The following DDX47 variants were observed in gnomAD, a reference collection of about 807,000 sequenced individuals.
DDX47 encodes the protein probable ATP-dependent RNA helicase DDX47.
A neutral mutation model predicts 58.8 loss-of-function variants in DDX47; 60 were observed. The ratio of observed to expected loss-of-function variants is 1.02; its 90% confidence interval spans 0.83 to 1.26. DDX47 has a LOEUF of 1.26. DDX47 is among the 50% of genes most tolerant of loss of function. The pLI is 0.00. For synonymous variants in DDX47, 197 were observed against 204.6 expected, an observed-to-expected ratio of 0.96 and a Z score of 0.32; for missense variants, 530 against 573.2, an observed-to-expected ratio of 0.92 and a Z score of 0.77.
intron 2 of DDX47, among the ~76,000 whole-genome samples, chr12:12,819,752 A>G (rs1179717257): frequency 2.0e-5 from 3 of 152,178 alleles, no homozygotes; most frequent in African/African-American, 4.8e-5. Flanking sequence ...TCTGTTGCCT[A>G]TATTGCAGTT....
chr12:12,820,862 C>A, intron 2 of DDX47: 1 of 290,136 alleles, frequency 3.4e-6, no homozygotes, highest in Non-Finnish European at 6.6e-6. Context: ...CCTTTCTTCC[C>A]TTCTTTGCTT....
chr12:12,825,954 A>G (rs1766617797), intron 9 of DDX47, 46 bp from the exon 10 acceptor site: 4 of 1,472,506 alleles, frequency 2.7e-6, no homozygotes, highest in Non-Finnish European at 3.7e-6. Flanking sequence ...TTTTTTTTAA[A>G]CTTATAATCC....
At chr12:12,826,915 G>T (rs181174781) in intron 10 of DDX47, among the ~76,000 whole-genome samples, 53 of 151,890 alleles carry the variant, frequency 3.5e-4, no homozygotes, top group African/African-American at 1.1e-3. Flanking sequence ...ATGCCACCAC[G>T]GTTGGCTAAT....
At chr12:12,829,387 T>G (rs1863097436) in intron 11 of DDX47, 36 bp from the exon 12 acceptor site, 1 of 1,583,012 alleles carries the variant, frequency 6.3e-7, no homozygotes, top group South Asian at 1.2e-5. Context: ...TGCCAGTAAT[T>G]CATTTTCAAT....
rs771868980 is a variant in DDX47, at chr12:12,827,327, T to G, written c.1188T>G (p.Val396=). The part of the protein sequence containing the change: ...LPGFPTQDDE[V]MMLTERVAEA... ...GTTTTCCAACACAGGATGATGAGGT[T>G]ATGATGCTGACAGAACGCGTCGCTG... is the stretch of plus-strand genomic sequence containing the variant. Residue 396 remains valine (V), a synonymous_variant, in exon 11 of 12, where the codon GTT becomes GTG. Transcript: ENST00000358007. The G allele has an allele frequency of 9.9e-6, 16 of 1,614,088 alleles. No individual in the cohort carries two copies. The highest frequency in any genetic ancestry group is 1.4e-5 in the Non-Finnish European group (16 of 1,180,036).
intron 3 of DDX47, 66 bp downstream of exon 3, chr12:12,821,462 G>A (rs150532818): frequency 6.4e-7 from 1 of 1,570,102 alleles, no homozygotes; most frequent in Non-Finnish European, 8.8e-7. Context: ...GTGGAGGAAG[G>A]AGAATGGAGG....
chr12:12,817,330 T>C (rs1192094578), intron 2 of DDX47, among the ~76,000 whole-genome samples: 2 of 152,206 alleles, frequency 1.3e-5, no homozygotes, highest in East Asian at 1.9e-4. Flanking sequence ...TAACTAATTA[T>C]TGCTAGAGCC....
At chr12:12,824,474 C>T in intron 8 of DDX47, 66 bp from the exon 9 acceptor site, 1 of 1,536,054 alleles carries the variant, frequency 6.5e-7, no homozygotes, top group Non-Finnish European at 8.8e-7. Flanking sequence ...TCGTGTTTGT[C>T]TATTTTGTGT....
At position 12,824,623 on chromosome 12, in the gene DDX47, G is replaced by A. The variant is rs1185134282; in HGVS notation, c.981G>A (p.Leu327=). Residue 327 remains leucine, a synonymous_variant, in exon 9 of 12, where the codon TTG becomes TTA. Transcript: ENST00000358007. Reference sequence around the variant, plus strand: ...CAACTGACGTTGCCAGCCGAGGTTTGGACATACCTCATGTAGATGTGGTTG... The same window carrying A: ...CAACTGACGTTGCCAGCCGAGGTTTAGACATACCTCATGTAGATGTGGTTG... The part of the protein sequence containing the change: ...LLATDVASRG[L]DIPHVDVVVN... 1 of 1,614,152 alleles carries A rather than the reference G, an allele frequency of 6.2e-7. No individual in the cohort carries two copies. Among genetic ancestry groups the A allele is most frequent in the East Asian group, 2.2e-5 (1 of 44,876 alleles).
At position 12,823,993 on chromosome 12, in the gene DDX47, C is replaced by T; in HGVS notation, c.874C>T (p.Pro292Ser). 5 of 1,614,030 alleles carry T rather than the reference C, an allele frequency of 3.1e-6. No individual in the cohort carries two copies. The Admixed American group carries it at 5.0e-5, about 16-fold the overall frequency. Residue 292 changes from proline (P) to serine (S), a missense_variant, in exon 8 of 12, where the codon CCC becomes TCC. Pro to Ser is a moderately conservative substitution (Grantham distance 74). Coordinates refer to ENST00000358007, the MANE Select transcript of DDX47 (RefSeq NM_016355.4). Reference sequence around the variant, plus strand: ...GCGAAATCTTGGCTTCACTGCCATCCCCCTCCATGGACAAATGAGTCAGGT... The same window carrying T: ...GCGAAATCTTGGCTTCACTGCCATCTCCCTCCATGGACAAATGAGTCAGGT... ...LLRNLGFTAI[P>S]LHGQMSQSKR...
Position 12,823,219 on chromosome 12 carries a change from G to A in DDX47, c.650G>A (p.Arg217Gln), listed in dbSNP as rs1444843568. ...TMTKKVQKLQ[R>Q]AALKNPVKCA... Reference sequence around the variant, plus strand: ...TTCCTTCAGGTTCAAAAACTTCAGCGAGCAGCTCTGAAGAATCCTGTGAAA... The same window carrying A: ...TTCCTTCAGGTTCAAAAACTTCAGCAAGCAGCTCTGAAGAATCCTGTGAAA... Residue 217 changes from arginine to glutamine, a missense_variant, in exon 7 of 12, where the codon CGA becomes CAA. Transcript: ENST00000358007. The A allele has an allele frequency of 1.9e-6, 3 of 1,613,322 alleles. No individual in the cohort carries two copies. Among genetic ancestry groups the A allele is most frequent in the Non-Finnish European group, 2.5e-6 (3 of 1,179,396 alleles).
intron 11 of DDX47, among the ~76,000 whole-genome samples, chr12:12,828,770 T>C (rs1288254650): frequency 1.3e-5 from 2 of 152,228 alleles, no homozygotes; most frequent in Non-Finnish European, 2.9e-5. Context: ...AGAAAACCAT[T>C]GATAACATTT....
At chr12:12,826,552 C>T (rs911701334) in intron 10 of DDX47, among the ~76,000 whole-genome samples, 9 of 151,852 alleles carry the variant, frequency 5.9e-5, no homozygotes, top group Non-Finnish European at 1.0e-4. Context: ...AAGCAATCCT[C>T]CTACCTCACC....
At chr12:12,821,162 A>G (rs2136421777) in intron 2 of DDX47, 46 bp from the exon 3 acceptor site, 1 of 1,591,654 alleles carries the variant, frequency 6.3e-7, no homozygotes. Context: ...AAACACAGAA[A>G]TAGCGCAAAG....
intron 2 of DDX47, chr12:12,814,577 G>C (rs995894857): frequency 1.1e-5 from 2 of 184,048 alleles, no homozygotes; most frequent in African/African-American, 4.7e-5. Flanking sequence ...AATTCTTGCT[G>C]TGAGCCATGT....
chr12:12,826,713 G>T (rs536353353), intron 10 of DDX47, among the ~76,000 whole-genome samples: 1 of 152,150 alleles, frequency 6.6e-6, no homozygotes, highest in Non-Finnish European at 1.5e-5. Flanking sequence ...GCCTCTCATA[G>T]TGCTGGGATT....
intron 2 of DDX47, among the ~76,000 whole-genome samples, chr12:12,815,878 C>T (rs1335724352): frequency 2.0e-5 from 3 of 152,094 alleles, no homozygotes; most frequent in Non-Finnish European, 4.4e-5. Flanking sequence ...AGATTAATCT[C>T]ATAGCTGTGA....
intron 3 of DDX47, 70 bp from the exon 4 acceptor site, chr12:12,821,584 CT>C: frequency 6.6e-7 from 1 of 1,507,000 alleles, no homozygotes; most frequent in Non-Finnish European, 9.2e-7. Flanking sequence ...CTGGCATTGG[CT>C]TTAAAAGATG....
intron 1 of DDX47, 74 bp from the exon 2 acceptor site, chr12:12,814,057 C>A: frequency 1.1e-6 from 1 of 910,156 alleles, no homozygotes; most frequent in South Asian, 1.3e-5. Context: ...CATGATGGGT[C>A]TGACAGTCAG....
Sources: gnomAD v4.1 joint callset for allele counts (sites outside exome capture counted in the v4.1 genomes callset) on GRCh38, gnomAD v4.1.1 for gene constraint, MANE v1.5 for transcripts, NCBI Gene and HGNC (gene_info 2026-07-23, HGNC 2026-07-21) for gene names.